Variants in MYRIP observed in about 807,000 individuals in gnomAD.
The protein encoded by MYRIP is myosin VIIA and Rab interacting protein, also known as rab effector MyRIP.
Under a neutral mutation model 98.0 loss-of-function variants are expected in MYRIP, and 49 were observed. The observed-to-expected ratio is 0.50, with a 90% CI of 0.40 to 0.63. MYRIP has a LOEUF of 0.63. Ranked by LOEUF, MYRIP falls within the 30% of genes least tolerant of loss-of-function variation. MYRIP has a pLI of 0.00. For synonymous variants in MYRIP, 404 were observed against 409.5 expected (o/e 0.99, Z 0.16); for missense variants, 1,004 against 1,058.2 (o/e 0.95, Z 0.71).
chr3:39,959,104 T>C (rs910880088), intron 2 of MYRIP, among the ~76,000 whole-genome samples: 28 of 152,340 alleles, frequency 1.8e-4, no homozygotes, highest in African/African-American at 6.5e-4. Flanking sequence ...TCAACCATTG[T>C]GGAAGACAGT....
intron 1 of MYRIP, among the ~76,000 whole-genome samples, chr3:39,894,903 T>C (rs1034785818): frequency 1.3e-5 from 2 of 152,228 alleles, no homozygotes; most frequent in African/African-American, 2.4e-5. Context: ...ATCTAAACAT[T>C]TATACTTACT....
chr3:39,976,382 G>A (rs565952710), intron 2 of MYRIP, among the ~76,000 whole-genome samples: 27 of 152,202 alleles, frequency 1.8e-4, no homozygotes, highest in African/African-American at 4.6e-4. Context: ...GATCATTAAA[G>A]AGTCAGGAAA....
At chr3:40,173,304 A>G (rs967705692) in intron 8 of MYRIP, 7 of 152,150 alleles carry the variant, frequency 4.6e-5, no homozygotes, top group African/African-American at 1.4e-4. Flanking sequence ...CCTGGTTCTG[A>G]GCATTTCCTG....
chr3:40,080,744 G>T (rs1948456837), intron 3 of MYRIP, among the ~76,000 whole-genome samples: 1 of 143,150 alleles, frequency 7.0e-6, no homozygotes, highest in African/African-American at 2.6e-5. Context: ...ACCAATTTCT[G>T]ACTTGCTAGA....
At chr3:39,996,624 C>G (rs1353396517) in intron 2 of MYRIP, among the ~76,000 whole-genome samples, 2 of 152,086 alleles carry the variant, frequency 1.3e-5, no homozygotes, top group Non-Finnish European at 2.9e-5. Flanking sequence ...GACAGATCAA[C>G]GAGACAGAAA....
intron 2 of MYRIP, among the ~76,000 whole-genome samples, chr3:40,006,291 G>C (rs1946631375): frequency 6.6e-6 from 1 of 152,040 alleles, no homozygotes; most frequent in African/African-American, 2.4e-5. Flanking sequence ...GGGAAGTTTA[G>C]TACCCAGCTT....
chr3:40,027,604 T>A (rs1206676163), intron 2 of MYRIP, among the ~76,000 whole-genome samples: 1 of 152,142 alleles, frequency 6.6e-6, no homozygotes, highest in Non-Finnish European at 1.5e-5. Context: ...AGTCTGAGTA[T>A]CCTACTTATT....
intron 3 of MYRIP, among the ~76,000 whole-genome samples, chr3:40,144,142 G>A (rs1949965222): frequency 6.6e-6 from 1 of 152,152 alleles, no homozygotes; most frequent in South Asian, 2.1e-4. Context: ...AGAATTTGTT[G>A]GCTCATATAA....
rs141788643 is a variant in MYRIP, at chr3:39,859,755, G to C, written c.-30-41032G>C. Among the ~76,000 whole-genome samples, 9 of 152,304 alleles carry C rather than the reference G, an allele frequency of 5.9e-5. No homozygotes were observed. The East Asian group carries it at 1.7e-3, about 29-fold the overall frequency. Reference sequence around the variant, plus strand: ...TAAAGGTTATGCAAACACATTAACAGAATGAAGAATCATAAGATTATAAAA... The same window carrying C: ...TAAAGGTTATGCAAACACATTAACACAATGAAGAATCATAAGATTATAAAA... On this transcript the variant is annotated intron_variant, in intron 1 of 16. Coordinates refer to ENST00000302541, the MANE Select transcript of MYRIP (RefSeq NM_015460.4).
intron 1 of MYRIP, among the ~76,000 whole-genome samples, chr3:39,892,432 A>T (rs1184992704): frequency 3.3e-5 from 5 of 152,230 alleles, no homozygotes; most frequent in Non-Finnish European, 5.9e-5. Context: ...TTAGGGGTTA[A>T]GCACATATGG....
At chr3:40,030,055 G>C (rs1947222901) in intron 2 of MYRIP, among the ~76,000 whole-genome samples, 1 of 149,696 alleles carries the variant, frequency 6.7e-6, no homozygotes, top group Non-Finnish European at 1.5e-5. Flanking sequence ...GCAAAACCCT[G>C]TCTCTACAAG....
At chr3:39,851,267 A>G (rs1455992654) in intron 1 of MYRIP, among the ~76,000 whole-genome samples, 1 of 152,188 alleles carries the variant, frequency 6.6e-6, no homozygotes, top group Non-Finnish European at 1.5e-5. Flanking sequence ...ACAGCAATGA[A>G]GTCTCTACCT....
At chr3:40,089,609 T>G (rs1352572201) in intron 3 of MYRIP, among the ~76,000 whole-genome samples, 1 of 152,194 alleles carries the variant, frequency 6.6e-6, no homozygotes, top group Non-Finnish European at 1.5e-5. Context: ...TTAACTCAAG[T>G]AATAGCCAAA....
intron 2 of MYRIP, among the ~76,000 whole-genome samples, chr3:39,952,927 G>A (rs1945062273): frequency 6.6e-6 from 1 of 152,042 alleles, no homozygotes; most frequent in African/African-American, 2.4e-5. Context: ...AGCTTATCAG[G>A]GTTCACTACA....
At chr3:40,203,901 A>G (rs1390251922) in intron 10 of MYRIP, among the ~76,000 whole-genome samples, 1 of 1,146 alleles carries the variant, frequency 8.7e-4, no homozygotes, top group Non-Finnish European at 2.3e-3. Flanking sequence ...ATTTATTTAT[A>G]TAAATATATA....
At chr3:39,959,537 C>G (rs889212661) in intron 2 of MYRIP, among the ~76,000 whole-genome samples, 5 of 151,720 alleles carry the variant, frequency 3.3e-5, no homozygotes, top group African/African-American at 7.3e-5. Context: ...GTAGGGGGAG[C>G]AGGGAGGGAT....
intron 3 of MYRIP, among the ~76,000 whole-genome samples, chr3:40,144,372 A>G (rs1220898290): frequency 8.5e-5 from 13 of 152,234 alleles, no homozygotes; most frequent in Non-Finnish European, 2.9e-5. Context: ...TGAGACCACC[A>G]CCACTAGTGC....
intron 3 of MYRIP, among the ~76,000 whole-genome samples, chr3:40,149,097 T>C (rs1575576665): frequency 1.3e-5 from 2 of 152,308 alleles, no homozygotes; most frequent in East Asian, 1.9e-4. Flanking sequence ...GAAGGAATAC[T>C]TGGGGCAGGG....
intron 3 of MYRIP, among the ~76,000 whole-genome samples, chr3:40,149,440 T>C (rs114326842): frequency 1.5e-3 from 228 of 152,342 alleles, no homozygotes; most frequent in African/African-American, 5.4e-3. Context: ...AGATTTGCAA[T>C]TGGGACAAAT....
Sources: allele counts gnomAD v4.1 joint callset (sites outside exome capture counted in the v4.1 genomes callset), GRCh38; gene constraint gnomAD v4.1.1; transcripts MANE v1.5; gene names NCBI Gene and HGNC (gene_info 2026-07-23, HGNC 2026-07-21).